LRRC4C: variants seen among roughly 807,000 people sequenced by gnomAD.
The protein encoded by LRRC4C is leucine-rich repeat-containing protein 4C.
A neutral mutation model predicts 33.6 loss-of-function variants in LRRC4C; 5 were observed. That is an observed-to-expected ratio of 0.15 (90% CI 0.08 to 0.31). The LOEUF (loss-of-function observed/expected upper bound fraction) is 0.31, where lower values mean the gene tolerates loss of function less well. LRRC4C is among the 10% of genes least tolerant of loss of function. The pLI is 1.00. For missense variants in LRRC4C, 560 were observed against 796.7 expected (o/e 0.70, Z 3.58); for synonymous variants, 329 against 302.0 (o/e 1.09, Z -0.93).
intron 1 of LRRC4C, among the ~76,000 whole-genome samples, chr11:41,033,424 A>G (rs1856839278): frequency 6.6e-6 from 1 of 152,122 alleles, no homozygotes; most frequent in Non-Finnish European, 1.5e-5. Flanking sequence ...TGAGTAAGGT[A>G]CAGGGTTGAG....
intron 2 of LRRC4C, among the ~76,000 whole-genome samples, chr11:40,717,298 A>C (rs1946780042): frequency 6.6e-6 from 1 of 151,504 alleles, no homozygotes; most frequent in Non-Finnish European, 1.5e-5. Context: ...CAAGAAAATG[A>C]AGGCTCTAAG....
Position 41,031,969 on chromosome 11 carries a change from A to T in LRRC4C, c.-495-98246T>A, listed in dbSNP as rs375210026. Among the ~76,000 whole-genome samples the T allele has an allele frequency of 9.9e-5, 15 of 152,150 alleles. 1 individual carries two copies. The East Asian group carries it at 2.7e-3, about 28-fold the overall frequency. On this transcript the variant is annotated intron_variant, in intron 1 of 6. Transcript: ENST00000528697. The stretch of plus-strand genomic sequence containing the variant: ...ACACCAGGGTTGGAGACAAAAACCT[A>T]TGTCTTCACAAAATTTCCTTGTGGC...
At chr11:40,286,789 T>C (rs1371469675) in intron 4 of LRRC4C, among the ~76,000 whole-genome samples, 1 of 152,088 alleles carries the variant, frequency 6.6e-6, no homozygotes, top group Non-Finnish European at 1.5e-5. Flanking sequence ...AATTGACAAA[T>C]TTAGGGGCCC....
At chr11:40,991,921 G>C (rs1853600419) in intron 1 of LRRC4C, among the ~76,000 whole-genome samples, 1 of 152,062 alleles carries the variant, frequency 6.6e-6, no homozygotes, top group Non-Finnish European at 1.5e-5. Flanking sequence ...GCCACCAACT[G>C]GTGCTGTGCA....
intron 1 of LRRC4C, among the ~76,000 whole-genome samples, chr11:41,317,409 A>G (rs1950829171): frequency 6.6e-6 from 1 of 152,152 alleles, no homozygotes; most frequent in Non-Finnish European, 1.5e-5. Context: ...ATATTTCCCT[A>G]AGGATAACTT....
At chr11:40,871,405 G>A (rs983130762) in intron 2 of LRRC4C, among the ~76,000 whole-genome samples, 3 of 151,844 alleles carry the variant, frequency 2.0e-5, no homozygotes, top group Non-Finnish European at 2.9e-5. Context: ...TGTCTCCCCC[G>A]GACACCCAGC....
At chr11:40,294,520 C>T (rs191303229) in intron 4 of LRRC4C, among the ~76,000 whole-genome samples, 1 of 152,054 alleles carries the variant, frequency 6.6e-6, no homozygotes, top group African/African-American at 2.4e-5. Flanking sequence ...TGGTCCCAAG[C>T]TGAGGATTAA....
At chr11:40,431,700 G>T (rs77062364) in intron 3 of LRRC4C, among the ~76,000 whole-genome samples, 1 of 151,994 alleles carries the variant, frequency 6.6e-6, no homozygotes, top group Admixed American at 6.6e-5. Context: ...TACTTCATAC[G>T]CATCATGCTT....
intron 3 of LRRC4C, among the ~76,000 whole-genome samples, chr11:40,569,743 C>T (rs1957907864): frequency 6.6e-6 from 1 of 152,026 alleles, no homozygotes; most frequent in African/African-American, 2.4e-5. Context: ...AACATCTATA[C>T]TGAGGATTAA....
At chr11:40,204,225 A>C (rs1479917002) in intron 5 of LRRC4C, among the ~76,000 whole-genome samples, 2 of 152,070 alleles carry the variant, frequency 1.3e-5, no homozygotes, top group African/African-American at 4.8e-5. Flanking sequence ...GTCCCCTGCT[A>C]GTCCAGGAAG....
chr11:41,299,951 T>C (rs553074667), intron 1 of LRRC4C, among the ~76,000 whole-genome samples: 1 of 152,224 alleles, frequency 6.6e-6, no homozygotes, highest in African/African-American at 2.4e-5. Context: ...TAGGTATCAG[T>C]GTTTTGACTG....
chr11:41,444,246 A>T (rs1955748203), intron 1 of LRRC4C, among the ~76,000 whole-genome samples: 2 of 152,188 alleles, frequency 1.3e-5, no homozygotes, highest in African/African-American at 4.8e-5. Context: ...AAAATATTTT[A>T]AAAATATGCA....
At chr11:40,800,337 A>G (rs1950990754) in intron 2 of LRRC4C, among the ~76,000 whole-genome samples, 2 of 152,170 alleles carry the variant, frequency 1.3e-5, no homozygotes, top group Non-Finnish European at 2.9e-5. Context: ...TGTTGAGGAC[A>G]ATGCTTATCC....
intron 3 of LRRC4C, among the ~76,000 whole-genome samples, chr11:40,530,200 A>G (rs1200475391): frequency 1.3e-5 from 2 of 152,076 alleles, no homozygotes; most frequent in Non-Finnish European, 2.9e-5. Flanking sequence ...ACTTCGCTAG[A>G]ACTCTAAAAT....
intron 1 of LRRC4C, among the ~76,000 whole-genome samples, chr11:41,337,003 T>C (rs1951477173): frequency 6.6e-6 from 1 of 151,988 alleles, no homozygotes; most frequent in Non-Finnish European, 1.5e-5. Flanking sequence ...AAGAGGAATG[T>C]ACACTACCAG....
chr11:40,549,024 A>G (rs1957035841), intron 3 of LRRC4C, among the ~76,000 whole-genome samples: 1 of 152,166 alleles, frequency 6.6e-6, no homozygotes, highest in Non-Finnish European at 1.5e-5. Context: ...ATTAAGGTTC[A>G]TATTAAAATC....
At chr11:40,709,496 G>A (rs955499731) in intron 2 of LRRC4C, among the ~76,000 whole-genome samples, 1 of 151,980 alleles carries the variant, frequency 6.6e-6, no homozygotes, top group South Asian at 2.1e-4. Flanking sequence ...AATTCTGGGT[G>A]GAAAATTCTT....
intron 1 of LRRC4C, among the ~76,000 whole-genome samples, chr11:41,445,703 C>T (rs1057360340): frequency 1.3e-5 from 2 of 152,030 alleles, no homozygotes; most frequent in African/African-American, 2.4e-5. Context: ...AATACGTGAA[C>T]AATAATTACA....
chr11:40,114,353 G>A lies in LRRC4C; in HGVS notation c.*17C>T, dbSNP rs761648114. The A allele has an allele frequency of 6.6e-7, 1 of 1,506,020 alleles. No individual in the cohort carries two copies. The highest frequency in any genetic ancestry group is 1.4e-5 in the South Asian group (1 of 71,316). The allele number at this position is 1,506,020 out of a possible 1,614,324, so 93.3% of individuals were successfully genotyped here. On this transcript the variant is annotated 3_prime_UTR_variant, in exon 7 of 7. Coordinates refer to ENST00000528697, the MANE Select transcript of LRRC4C (RefSeq NM_001258419.2). ...CTTTTTTTTTGATTGTTTGTTTTTT[G>A]TAACTCTGTAAATGTTTTAGATTTG...
Sources: gnomAD v4.1 joint callset for allele counts (sites outside exome capture counted in the v4.1 genomes callset) on GRCh38, gnomAD v4.1.1 for gene constraint, MANE v1.5 for transcripts, NCBI Gene and HGNC (gene_info 2026-07-23, HGNC 2026-07-21) for gene names.